The following IPCEF1 variants were observed in gnomAD, a reference collection of about 807,000 sequenced individuals.
IPCEF1 encodes the protein interaction protein for cytohesin exchange factors 1.
In IPCEF1, 31 loss-of-function variants were observed where a neutral mutation model predicts 50.9. The observed-to-expected ratio is 0.61, with a 90% confidence interval of 0.46 to 0.82. IPCEF1 has a LOEUF of 0.82. Among genes scored for constraint, IPCEF1 ranks in the 40% least tolerant of loss-of-function variants. IPCEF1 has a pLI of 0.00. For missense variants in IPCEF1, 458 were observed against 514.0 expected (o/e 0.89, Z 1.05); for synonymous variants, 181 against 192.0 (o/e 0.94, Z 0.47).
intron 10 of IPCEF1, among the ~76,000 whole-genome samples, chr6:154,186,703 C>G (rs986218070): frequency 6.6e-6 from 1 of 152,038 alleles, no homozygotes; most frequent in African/African-American, 2.4e-5. Context: ...ACTACAGGCG[C>G]CCGCCATCAC....
chr6:154,234,403 C>A (rs1779954764), intron 5 of IPCEF1, among the ~76,000 whole-genome samples: 3 of 152,156 alleles, frequency 2.0e-5, no homozygotes, highest in Admixed American at 2.0e-4. Context: ...TTCCGAGTAT[C>A]TCCTGGATCA....
At chr6:154,256,537 G>GTCTCTCTCTCTC (rs10644644) in intron 3 of IPCEF1, among the ~76,000 whole-genome samples, 4 of 146,206 alleles carry the variant, frequency 2.7e-5, no homozygotes, top group South Asian at 2.3e-4. Context: ...CTCTGTCTCC[G>GTCTCTCTCTCTC]TCTCTCTCTC....
chr6:154,267,048 TA>T (rs1781774240), intron 2 of IPCEF1, among the ~76,000 whole-genome samples: 1 of 152,020 alleles, frequency 6.6e-6, no homozygotes, highest in African/African-American at 2.4e-5. Flanking sequence ...CTATATTACA[TA>T]GATATTAATA....
intron 1 of IPCEF1, among the ~76,000 whole-genome samples, chr6:154,349,318 A>C (rs1232986210): frequency 6.6e-6 from 1 of 151,738 alleles, no homozygotes; most frequent in African/African-American, 2.4e-5. Flanking sequence ...CCATCTCCTG[A>C]GTAGCTGAGA....
chr6:154,347,415 A>T (rs1784052276), intron 1 of IPCEF1, among the ~76,000 whole-genome samples: 1 of 152,202 alleles, frequency 6.6e-6, no homozygotes, highest in South Asian at 2.1e-4. Flanking sequence ...AAAGGGAACT[A>T]GTTAATAATA....
At chr6:154,309,526 C>G (rs952364388) in intron 1 of IPCEF1, among the ~76,000 whole-genome samples, 1 of 152,162 alleles carries the variant, frequency 6.6e-6, no homozygotes, top group African/African-American at 2.4e-5. Flanking sequence ...ATACCTGTTA[C>G]CCTTCTCTTC....
chr6:154,287,018 T>C (rs374530917), intron 2 of IPCEF1, among the ~76,000 whole-genome samples: 2 of 152,240 alleles, frequency 1.3e-5, no homozygotes, highest in South Asian at 2.1e-4. Flanking sequence ...ATCTGGTTGT[T>C]TAAAAGTGTA....
At chr6:154,288,703 A>C (rs1782436370) in intron 2 of IPCEF1, among the ~76,000 whole-genome samples, 2 of 145,650 alleles carry the variant, frequency 1.4e-5, no homozygotes, top group South Asian at 4.3e-4. Context: ...AAAAAAAAAA[A>C]AACTGTAAAA....
At chr6:154,178,746 T>C (rs1190904147) in intron 10 of IPCEF1, among the ~76,000 whole-genome samples, 1 of 152,176 alleles carries the variant, frequency 6.6e-6, no homozygotes, top group Admixed American at 6.5e-5. Context: ...AGTATGTATG[T>C]TCACATAGGA....
At chr6:154,333,581 C>CAT (rs202121053) in intron 1 of IPCEF1, among the ~76,000 whole-genome samples, 20 of 150,640 alleles carry the variant, frequency 1.3e-4, no homozygotes, top group Non-Finnish European at 2.1e-4. Flanking sequence ...CACACACACA[C>CAT]ATATATATAC....
intron 3 of IPCEF1, among the ~76,000 whole-genome samples, chr6:154,253,890 T>C (rs1475570025): frequency 6.6e-6 from 1 of 152,130 alleles, no homozygotes; most frequent in African/African-American, 2.4e-5. Flanking sequence ...CTTTAAATTT[T>C]TAAAAAAATT....
intron 3 of IPCEF1, among the ~76,000 whole-genome samples, chr6:154,250,656 C>T (rs533814762): frequency 3.9e-5 from 6 of 152,302 alleles, no homozygotes; most frequent in Admixed American, 6.5e-5. Context: ...GCCCAGGTTA[C>T]GGGTAACTGT....
chr6:154,246,664 A>G lies in IPCEF1; in HGVS notation c.173T>C (p.Phe58Ser). The G allele has an allele frequency of 6.2e-7, 1 of 1,614,080 alleles. No homozygotes were observed. The highest frequency in any genetic ancestry group is 8.5e-7 in the Non-Finnish European group (1 of 1,179,994). The stretch of plus-strand genomic sequence containing the variant: ...GAACTTTTTCCATTTGTTGCTTAGG[A>G]AACTTCCCTTTTCCTTTTTCTTATA... ...WLYKKKEKGS[F>S]LSNKWKKFWV... The change falls in exon 5 of 12, where the codon TTC (phenylalanine) becomes TCC (serine). Residue 58 changes from phenylalanine to serine, a missense_variant. Physicochemically the swap from Phe to Ser is radical, Grantham distance 155 (BLOSUM62 -2). Coordinates refer to ENST00000367220, the MANE Select transcript of IPCEF1 (RefSeq NM_001130700.2).
intron 1 of IPCEF1, among the ~76,000 whole-genome samples, chr6:154,333,657 T>C (rs1583999510): frequency 6.6e-6 from 1 of 151,364 alleles, no homozygotes; most frequent in South Asian, 2.1e-4. Flanking sequence ...TGTATACATA[T>C]ATGTGTATAT....
chr6:154,199,216 C>A (rs1192852387), intron 10 of IPCEF1, among the ~76,000 whole-genome samples: 1 of 152,204 alleles, frequency 6.6e-6, no homozygotes, highest in Admixed American at 6.5e-5. Flanking sequence ...CATTCAGGAG[C>A]CGACAGGCTA....
At chr6:154,343,216 C>T (rs1011766529) in intron 1 of IPCEF1, among the ~76,000 whole-genome samples, 2 of 152,190 alleles carry the variant, frequency 1.3e-5, no homozygotes, top group African/African-American at 2.4e-5. Flanking sequence ...ATTCATTGAG[C>T]CCTTTCCCTC....
Position 154,159,810 on chromosome 6 carries a change from G to C in IPCEF1, c.*18C>G. On this transcript the variant is annotated 3_prime_UTR_variant, in exon 12 of 12. Transcript: ENST00000367220. ...TTGCTTGTGATAAAATATAAGAGGA[G>C]AAAACCCTGACTTTGTCTCAAATGG... The C allele has an allele frequency of 6.3e-7, 1 of 1,587,826 alleles. No individual in the cohort carries two copies. The highest frequency in any genetic ancestry group is 1.1e-5 in the South Asian group (1 of 89,266).
At chr6:154,235,181 G>C (rs1780017826) in intron 5 of IPCEF1, among the ~76,000 whole-genome samples, 1 of 152,190 alleles carries the variant, frequency 6.6e-6, no homozygotes. Flanking sequence ...AATAGATAAA[G>C]GAGCACCATT....
chr6:154,203,397 T>C (rs1379811507), intron 9 of IPCEF1, among the ~76,000 whole-genome samples: 1 of 152,160 alleles, frequency 6.6e-6, no homozygotes, highest in Non-Finnish European at 1.5e-5. Context: ...TACACAGTTG[T>C]CCCTTGAACA....
Sources: gnomAD v4.1 joint callset for allele counts (sites outside exome capture counted in the v4.1 genomes callset) on GRCh38, gnomAD v4.1.1 for gene constraint, MANE v1.5 for transcripts, NCBI Gene and HGNC (gene_info 2026-07-23, HGNC 2026-07-21) for gene names.